ADARB2: variants seen among roughly 807,000 people sequenced by gnomAD.
ADARB2 encodes inactive double-stranded RNA-specific editase B2.
ADARB2 carries 25 observed loss-of-function variants against 62.2 expected under a neutral mutation model. The ratio of observed to expected loss-of-function variants is 0.40; its 90% CI spans 0.29 to 0.56. The LOEUF (loss-of-function observed/expected upper bound fraction) is 0.56, where lower values mean the gene tolerates loss of function less well. Ranked by LOEUF, ADARB2 falls within the 20% of genes least tolerant of loss-of-function variation. The pLI is 0.43. For missense variants in ADARB2, 1,071 were observed against 1,077.4 expected (o/e 0.99, Z 0.08); for synonymous variants, 572 against 500.8 (o/e 1.14, Z -1.90).
At chr10:1,735,576 G>T (rs964518420) in intron 1 of ADARB2, among the ~76,000 whole-genome samples, 1 of 152,068 alleles carries the variant, frequency 6.6e-6, no homozygotes, top group Non-Finnish European at 1.5e-5. Context: ...TATTCAATCC[G>T]GTGACTTTCT....
chr10:1,242,513 A>T (rs1830935996), intron 4 of ADARB2, among the ~76,000 whole-genome samples: 1 of 152,218 alleles, frequency 6.6e-6, no homozygotes, highest in Non-Finnish European at 1.5e-5. Flanking sequence ...TGGTGGCCTG[A>T]GACAGCGCTC....
chr10:1,652,846 G>A (rs1367985983), intron 1 of ADARB2, among the ~76,000 whole-genome samples: 2 of 152,122 alleles, frequency 1.3e-5, no homozygotes, highest in African/African-American at 2.4e-5. Context: ...CTTGGCCTAG[G>A]ACTGATAAAC....
At chr10:1,623,508 A>G (rs1282406082) in intron 1 of ADARB2, among the ~76,000 whole-genome samples, 3 of 152,230 alleles carry the variant, frequency 2.0e-5, no homozygotes, top group Admixed American at 6.5e-5. Context: ...CACACAGCCC[A>G]TAGAATTTTT....
chr10:1,711,381 C>T (rs1328459830), intron 1 of ADARB2, among the ~76,000 whole-genome samples: 4 of 152,180 alleles, frequency 2.6e-5, no homozygotes, highest in African/African-American at 4.8e-5. Context: ...GAAGGACGCA[C>T]CTGGGAAACT....
chr10:1,613,308 A>T (rs1032775864), intron 1 of ADARB2, among the ~76,000 whole-genome samples: 1 of 152,186 alleles, frequency 6.6e-6, no homozygotes, highest in Admixed American at 6.5e-5. Flanking sequence ...AACCCATTCC[A>T]TGAAAAGATT....
At chr10:1,303,901 T>A (rs1589186210) in intron 3 of ADARB2, among the ~76,000 whole-genome samples, 1 of 151,914 alleles carries the variant, frequency 6.6e-6, no homozygotes, top group African/African-American at 2.4e-5. Context: ...GAACAACCGG[T>A]ACCAGCCACT....
chr10:1,380,277 T>G (rs1832471320), intron 1 of ADARB2, among the ~76,000 whole-genome samples: 1 of 152,246 alleles, frequency 6.6e-6, no homozygotes, highest in Non-Finnish European at 1.5e-5. Flanking sequence ...GACAGAAGCA[T>G]GTCCTAGCAT....
rs759242223 is a variant in ADARB2 at position 1,639,912 on chromosome 10, C to T, written c.100+97139G>A. The stretch of plus-strand genomic sequence containing the variant: ...AACAAACAAAAACATGAAGAGGGCT[C>T]AGGCCAAGCCGCAAAGCCATGACCT... On this transcript the variant is annotated intron_variant, in intron 1 of 9. Coordinates refer to ENST00000381312, the MANE Select transcript of ADARB2 (RefSeq NM_018702.4). 2.0e-5 allele frequency among the ~76,000 whole-genome samples: 3 copies of T among 152,142 alleles called. No individual in the cohort carries two copies. The East Asian group carries it at 5.8e-4, about 29-fold the overall frequency.
Position 1,217,047 on chromosome 10 carries a change from G to A in ADARB2, c.1586C>T (p.Thr529Met), listed in dbSNP as rs933741683. The change falls in exon 7 of 10, where the codon ACG (threonine) becomes ATG (methionine). Residue 529 changes from threonine (T) to methionine (M), a missense_variant. Coordinates refer to ENST00000381312, the MANE Select transcript of ADARB2 (RefSeq NM_018702.4). Reference protein sequence around the residue: ...LRTKIESGEGTVPVRGPSAVQ... With the variant: ...LRTKIESGEGMVPVRGPSAVQ... ...TGCGCTGGGGCCACGCACGGGGACC[G>A]TCCCTTCCCCGGACTCGATCTTGGT... 2.5e-6 allele frequency: 4 copies of A among 1,611,052 alleles called. No homozygotes were observed. The highest frequency in any genetic ancestry group is 2.2e-5 in the East Asian group (1 of 44,800).
intron 1 of ADARB2, among the ~76,000 whole-genome samples, chr10:1,414,797 T>G (rs538590705): frequency 1.8e-4 from 27 of 152,318 alleles, no homozygotes; most frequent in African/African-American, 6.3e-4. Context: ...GTGTTGGGTC[T>G]GATCACCCCA....
At chr10:1,370,916 T>C (rs1050987915) in intron 2 of ADARB2, among the ~76,000 whole-genome samples, 1 of 152,162 alleles carries the variant, frequency 6.6e-6, no homozygotes, top group African/African-American at 2.4e-5. Context: ...TCTATCAAAT[T>C]CCAACATTAT....
intron 1 of ADARB2, among the ~76,000 whole-genome samples, chr10:1,390,721 A>G (rs1832562726): frequency 6.6e-6 from 1 of 152,236 alleles, no homozygotes; most frequent in Non-Finnish European, 1.5e-5. Flanking sequence ...CAATAAGAAA[A>G]ATTACAGTCT....
chr10:1,322,886 T>C (rs1225416904), intron 3 of ADARB2, among the ~76,000 whole-genome samples: 1 of 152,174 alleles, frequency 6.6e-6, no homozygotes, highest in Non-Finnish European at 1.5e-5. Flanking sequence ...ATGATGTACA[T>C]AAATAAGATG....
chr10:1,285,621 C>T (rs78238429), intron 3 of ADARB2, among the ~76,000 whole-genome samples: 213 of 152,268 alleles, frequency 1.4e-3, no homozygotes, highest in African/African-American at 4.7e-3. Context: ...CCGTGCTTAA[C>T]GGAAAAGCAA....
chr10:1,226,966 T>C (rs563750342), intron 6 of ADARB2, among the ~76,000 whole-genome samples: 14 of 152,372 alleles, frequency 9.2e-5, no homozygotes, highest in African/African-American at 1.2e-4. Context: ...AGGTTACTGC[T>C]GTCTTTTTGT....
chr10:1,270,609 A>G (rs943836400), intron 4 of ADARB2, among the ~76,000 whole-genome samples: 7 of 152,012 alleles, frequency 4.6e-5, no homozygotes, highest in African/African-American at 1.4e-4. Flanking sequence ...GAGATGGGGA[A>G]TCTTGGCAGA....
chr10:1,606,514 C>A (rs952672782), intron 1 of ADARB2, among the ~76,000 whole-genome samples: 4 of 152,144 alleles, frequency 2.6e-5, no homozygotes, highest in African/African-American at 9.7e-5. Flanking sequence ...GCAAAACATG[C>A]AATGAGATGA....
chr10:1,226,198 G>A lies in ADARB2; in HGVS notation c.1513+7496C>T, dbSNP rs568465830. Among the ~76,000 whole-genome samples the A allele has an allele frequency of 5.4e-4, 82 of 152,122 alleles. No individual in the cohort carries two copies. The South Asian group carries it at 0.015, about 27-fold the overall frequency. ...CTGATACCCTTTCTTCCAGTTGATC[G>A]CATTGGCTACTGAGGCTTCTGCATT... On this transcript the variant is annotated intron_variant, in intron 6 of 9. Transcript: ENST00000381312.
rs199724733 is a variant in ADARB2, at chr10:1,275,938, G to A, written c.1078-4869C>T. ...ACATTTGGCTTGGTTCCAAGTCTTC[G>A]CTATTGTGAATAGTGCCGCAATAAA... is the stretch of plus-strand genomic sequence containing the variant. On this transcript the variant is annotated intron_variant, in intron 3 of 9. Coordinates refer to ENST00000381312, the MANE Select transcript of ADARB2 (RefSeq NM_018702.4). Among the ~76,000 whole-genome samples the A allele has an allele frequency of 5.3e-5, 8 of 151,998 alleles. No homozygotes were observed. In the East Asian group the frequency reaches 1.2e-3, roughly 22 times the overall value.
Sources: gnomAD v4.1 joint callset for allele counts (sites outside exome capture counted in the v4.1 genomes callset) on GRCh38, gnomAD v4.1.1 for gene constraint, MANE v1.5 for transcripts, NCBI Gene and HGNC (gene_info 2026-07-23, HGNC 2026-07-21) for gene names.